The following CEP112 variants were observed in gnomAD, a reference collection of about 807,000 sequenced individuals.
The protein encoded by CEP112 is centrosomal protein of 112 kDa.
In CEP112, 127 loss-of-function variants were observed where a neutral mutation model predicts 153.0. That is an observed-to-expected ratio of 0.83 (90% CI 0.72 to 0.96). The LOEUF is 0.96. Ranked by LOEUF, CEP112 falls within the 40% of genes least tolerant of loss-of-function variation. The pLI is 0.00. For synonymous variants in CEP112, 358 were observed against 374.4 expected (o/e 0.96, Z 0.51); for missense variants, 1,089 against 1,101.2 (o/e 0.99, Z 0.16).
intron 21 of CEP112, among the ~76,000 whole-genome samples, chr17:65,832,394 G>A (rs4791120): frequency 1 from 150,331 of 151,042 alleles, 74,814 homozygotes; most frequent in Middle Eastern, 1. Context: ...CAAAAGATCA[G>A]TGAATCCAGG....
intron 17 of CEP112, among the ~76,000 whole-genome samples, chr17:65,979,599 C>T (rs1389695395): frequency 6.6e-6 from 1 of 151,996 alleles, no homozygotes; most frequent in Non-Finnish European, 1.5e-5. Flanking sequence ...ATTATTATAT[C>T]AATACAAAAC....
chr17:66,134,368 A>G (rs1458301184), intron 4 of CEP112, among the ~76,000 whole-genome samples: 2 of 152,176 alleles, frequency 1.3e-5, no homozygotes, highest in Admixed American at 6.6e-5. Flanking sequence ...AACTTGTCAT[A>G]TATTTTTCAA....
intron 6 of CEP112, among the ~76,000 whole-genome samples, chr17:66,107,203 A>C (rs2068820994): frequency 6.6e-6 from 1 of 152,114 alleles, no homozygotes; most frequent in Non-Finnish European, 1.5e-5. Flanking sequence ...GAACAGGAAA[A>C]ACTGAAAGCC....
chr17:65,672,435 GCT>G (rs2047031219), intron 24 of CEP112, among the ~76,000 whole-genome samples: 1 of 152,176 alleles, frequency 6.6e-6, no homozygotes, highest in Admixed American at 6.5e-5. Flanking sequence ...AGGAGAAAAT[GCT>G]GAAGAATAAC....
At chr17:66,034,661 GA>G (rs568317478) in intron 12 of CEP112, among the ~76,000 whole-genome samples, 1 of 151,096 alleles carries the variant, frequency 6.6e-6, no homozygotes, top group Non-Finnish European at 1.5e-5. Flanking sequence ...ATGAGAGAAA[GA>G]AAAAAAGAGA....
chr17:65,728,747 T>C (rs976121776), intron 23 of CEP112, among the ~76,000 whole-genome samples: 1 of 152,134 alleles, frequency 6.6e-6, no homozygotes, highest in African/African-American at 2.4e-5. Context: ...AGATACAAAA[T>C]GGTGCACCTA....
At chr17:65,882,777 G>A (rs1295246234) in intron 20 of CEP112, among the ~76,000 whole-genome samples, 3 of 152,154 alleles carry the variant, frequency 2.0e-5, no homozygotes, top group African/African-American at 7.2e-5. Flanking sequence ...AAAGAGATGA[G>A]AATGATAAAT....
intron 24 of CEP112, among the ~76,000 whole-genome samples, chr17:65,679,740 C>A (rs556623844): frequency 3.9e-5 from 6 of 152,196 alleles, no homozygotes; most frequent in Non-Finnish European, 8.8e-5. Context: ...TAAAGATAAG[C>A]AGTGCTATCC....
intron 20 of CEP112, among the ~76,000 whole-genome samples, chr17:65,879,091 C>T (rs1364000642): frequency 6.6e-6 from 1 of 152,146 alleles, no homozygotes; most frequent in Non-Finnish European, 1.5e-5. Context: ...CATCCCTTTC[C>T]CAAAATGTTA....
intron 20 of CEP112, among the ~76,000 whole-genome samples, chr17:65,872,087 CACTA>C (rs2058685983): frequency 6.6e-6 from 1 of 152,052 alleles, no homozygotes; most frequent in Non-Finnish European, 1.5e-5. Flanking sequence ...AGAAAAAATG[CACTA>C]ACTAAATTCA....
intron 23 of CEP112, among the ~76,000 whole-genome samples, chr17:65,723,082 G>A (rs2049982617): frequency 6.6e-6 from 1 of 152,160 alleles, no homozygotes; most frequent in South Asian, 2.1e-4. Flanking sequence ...GAATACATGT[G>A]CTTCAGATGT....
rs570096098 is a variant in CEP112 at position 66,013,386 on chromosome 17, G to A, written c.1657-7617C>T. On this transcript the variant is annotated intron_variant, in intron 16 of 26. Coordinates refer to ENST00000535342, the MANE Select transcript of CEP112 (RefSeq NM_001199165.4). ...TGAAGTTGCTGTCCTTTGGATGGTG[G>A]GGTTTTTGTTTTGTTTTGTTTTTTG... 1.1e-4 allele frequency among the ~76,000 whole-genome samples: 17 copies of A among 152,224 alleles called. 1 individual carries two copies. The South Asian group carries it at 3.5e-3, about 32-fold the overall frequency.
chr17:66,000,316 G>A (rs11654233), intron 17 of CEP112, among the ~76,000 whole-genome samples: 60,903 of 147,992 alleles, frequency 0.41, 13,944 homozygotes, highest in East Asian at 0.87. Flanking sequence ...TCTAATGATC[G>A]GTGATGTTGA....
rs988794344 is a variant in CEP112 at position 65,687,459 on chromosome 17, C to A, written c.2697+1670G>T. 3.9e-5 allele frequency among the ~76,000 whole-genome samples: 6 copies of A among 152,114 alleles called. 1 individual carries two copies. The East Asian group carries it at 9.6e-4, about 24-fold the overall frequency. ...GGGATTACAGGTGTGAGCCACTGCG[C>A]CCGGCCTAGTTATTATTAATTTTTT... On this transcript the variant is annotated intron_variant, in intron 24 of 26. Coordinates refer to ENST00000535342, the MANE Select transcript of CEP112 (RefSeq NM_001199165.4).
At chr17:66,045,044 A>G (rs1288709372) in intron 12 of CEP112, among the ~76,000 whole-genome samples, 1 of 151,480 alleles carries the variant, frequency 6.6e-6, no homozygotes, top group Non-Finnish European at 1.5e-5. Context: ...AAATTAAAAT[A>G]ATACATTTTT....
chr17:65,679,117 C>T, intron 24 of CEP112, among the ~76,000 whole-genome samples: 1 of 97,502 alleles, frequency 1.0e-5, no homozygotes. Context: ...GTCCTTGACA[C>T]TGTGGTTCAA....
chr17:65,781,368 T>C (rs1289549288), intron 21 of CEP112, among the ~76,000 whole-genome samples: 2 of 152,130 alleles, frequency 1.3e-5, no homozygotes, highest in Non-Finnish European at 2.9e-5. Flanking sequence ...TGGAAAAACA[T>C]TCTATGATCA....
At chr17:65,990,115 C>A (rs1206318337) in intron 17 of CEP112, among the ~76,000 whole-genome samples, 1 of 151,956 alleles carries the variant, frequency 6.6e-6, no homozygotes, top group East Asian at 1.9e-4. Flanking sequence ...AGAGAAGTTA[C>A]CAAACAACCA....
chr17:65,958,186 G>T (rs1384042629), intron 18 of CEP112, among the ~76,000 whole-genome samples: 1 of 151,956 alleles, frequency 6.6e-6, no homozygotes, highest in African/African-American at 2.4e-5. Context: ...TTCATTTCTG[G>T]ATTGGTTCAT....
Sources: gnomAD v4.1 joint callset for allele counts (sites outside exome capture counted in the v4.1 genomes callset) on GRCh38, gnomAD v4.1.1 for gene constraint, MANE v1.5 for transcripts, NCBI Gene and HGNC (gene_info 2026-07-23, HGNC 2026-07-21) for gene names.